STXBP5L: variants seen among roughly 807,000 people sequenced by gnomAD.
The protein encoded by STXBP5L is syntaxin binding protein 5L.
In STXBP5L, 65 loss-of-function variants were observed where a neutral mutation model predicts 144.5. That is an observed-to-expected ratio of 0.45 (90% CI 0.37 to 0.55). STXBP5L has a LOEUF of 0.55. Among genes scored for constraint, STXBP5L ranks in the 20% least tolerant of loss-of-function variants. The pLI is 0.00. For missense variants in STXBP5L, 1,298 were observed against 1,405.5 expected (o/e 0.92, Z 1.22); for synonymous variants, 505 against 469.6 (o/e 1.08, Z -0.97).
At chr3:121,258,095 A>G (rs1266680240) in intron 17 of STXBP5L, among the ~76,000 whole-genome samples, 3 of 152,152 alleles carry the variant, frequency 2.0e-5, no homozygotes, top group African/African-American at 2.4e-5. Flanking sequence ...TTTTAAAACT[A>G]TTTATTAATA....
intron 5 of STXBP5L, among the ~76,000 whole-genome samples, chr3:121,055,146 T>C (rs1948360480): frequency 6.6e-6 from 1 of 152,004 alleles, no homozygotes; most frequent in Admixed American, 6.5e-5. Context: ...ATGTGATATT[T>C]ATCTCTTAAG....
At chr3:121,390,323 G>C (rs1211275228) in intron 22 of STXBP5L, among the ~76,000 whole-genome samples, 1 of 152,032 alleles carries the variant, frequency 6.6e-6, no homozygotes, top group Non-Finnish European at 1.5e-5. Context: ...TACACTGATG[G>C]GTCTTGACTC....
chr3:121,121,319 A>G (rs374632097), intron 6 of STXBP5L, among the ~76,000 whole-genome samples: 37 of 151,300 alleles, frequency 2.4e-4, no homozygotes, highest in African/African-American at 8.9e-4. Flanking sequence ...TCTTTTATCT[A>G]TGTAAATAAA....
intron 2 of STXBP5L, among the ~76,000 whole-genome samples, chr3:120,928,606 G>T (rs1709761910): frequency 1.3e-5 from 2 of 151,574 alleles, no homozygotes; most frequent in African/African-American, 4.9e-5. Context: ...CATGTTCTGA[G>T]ACTTCATATA....
intron 12 of STXBP5L, among the ~76,000 whole-genome samples, chr3:121,238,723 G>A (rs1257797796): frequency 6.6e-6 from 1 of 152,154 alleles, no homozygotes; most frequent in East Asian, 1.9e-4. Context: ...CAATGCCACT[G>A]TGGAATGTTA....
At chr3:121,315,906 G>A (rs767409282) in intron 19 of STXBP5L, among the ~76,000 whole-genome samples, 2 of 151,598 alleles carry the variant, frequency 1.3e-5, no homozygotes, top group Non-Finnish European at 2.9e-5. Context: ...AGAGGCTGAG[G>A]CAGGAGAACT....
At chr3:121,397,717 C>T (rs922287212) in intron 22 of STXBP5L, among the ~76,000 whole-genome samples, 3 of 152,184 alleles carry the variant, frequency 2.0e-5, no homozygotes, top group African/African-American at 2.4e-5. Flanking sequence ...AGAACTTGTG[C>T]TCCCCATTGC....
chr3:120,969,045 G>T (rs1576518880), intron 3 of STXBP5L, among the ~76,000 whole-genome samples: 1 of 151,978 alleles, frequency 6.6e-6, no homozygotes, highest in Middle Eastern at 3.4e-3. Context: ...ATTTTCCTTT[G>T]GGTAGATACT....
chr3:121,215,538 T>G (rs1444984122), intron 10 of STXBP5L, among the ~76,000 whole-genome samples: 1 of 152,176 alleles, frequency 6.6e-6, no homozygotes, highest in Non-Finnish European at 1.5e-5. Context: ...GCCCCAACTT[T>G]TTTATGGCTT....
chr3:121,193,782 T>C (rs956619376), intron 9 of STXBP5L, among the ~76,000 whole-genome samples: 6 of 151,930 alleles, frequency 3.9e-5, no homozygotes, highest in African/African-American at 1.5e-4. Context: ...ATGAGAACAC[T>C]TGGACACAGG....
chr3:121,300,629 T>C (rs1204823377), intron 19 of STXBP5L, among the ~76,000 whole-genome samples: 2 of 151,178 alleles, frequency 1.3e-5, no homozygotes, highest in African/African-American at 2.4e-5. Context: ...TTAAAGAAAA[T>C]AAAACAGAGA....
At chr3:120,911,531 C>T (rs1017698076) in intron 2 of STXBP5L, among the ~76,000 whole-genome samples, 5 of 151,892 alleles carry the variant, frequency 3.3e-5, no homozygotes, top group Non-Finnish European at 5.9e-5. Flanking sequence ...AACTAAGAGA[C>T]GGTTATTGGG....
intron 7 of STXBP5L, 67 bp downstream of exon 7, chr3:121,121,771 T>C: frequency 8.6e-7 from 1 of 1,159,848 alleles, no homozygotes; most frequent in Non-Finnish European, 1.3e-6. Flanking sequence ...TGTTTCTTAC[T>C]ATTATTTTAT....
intron 9 of STXBP5L, among the ~76,000 whole-genome samples, chr3:121,159,853 C>T (rs956404687): frequency 3.3e-5 from 5 of 151,760 alleles, no homozygotes; most frequent in Non-Finnish European, 5.9e-5. Flanking sequence ...AGGATGGTCT[C>T]GATCTCCTGA....
At chr3:121,163,424 G>A (rs936024971) in intron 9 of STXBP5L, among the ~76,000 whole-genome samples, 4 of 151,942 alleles carry the variant, frequency 2.6e-5, no homozygotes, top group African/African-American at 9.7e-5. Context: ...GTCTCTCGGT[G>A]GATGGGGGGC....
chr3:121,200,677 G>T (rs772112552), intron 9 of STXBP5L, among the ~76,000 whole-genome samples: 6 of 151,820 alleles, frequency 4.0e-5, no homozygotes, highest in Non-Finnish European at 8.8e-5. Flanking sequence ...TGGGTTCGTT[G>T]TCTCTCTCTT....
chr3:121,044,600 G>T (rs1190381939), intron 4 of STXBP5L, among the ~76,000 whole-genome samples: 1 of 152,118 alleles, frequency 6.6e-6, no homozygotes. Context: ...TTTAGGATCT[G>T]TGAATGGGTA....
chr3:121,206,246 A>C (rs1254958396), intron 10 of STXBP5L, among the ~76,000 whole-genome samples: 1 of 152,176 alleles, frequency 6.6e-6, no homozygotes, highest in Non-Finnish European at 1.5e-5. Flanking sequence ...TATACACATT[A>C]ATTTTAACAG....
intron 20 of STXBP5L, among the ~76,000 whole-genome samples, chr3:121,369,517 G>T (rs893888993): frequency 1.4e-4 from 21 of 151,924 alleles, no homozygotes; most frequent in Non-Finnish European, 1.9e-4. Context: ...TTTCTTTGGG[G>T]TTGGCCACTG....
Sources: gnomAD v4.1 joint callset for allele counts (sites outside exome capture counted in the v4.1 genomes callset) on GRCh38, gnomAD v4.1.1 for gene constraint, MANE v1.5 for transcripts, NCBI Gene and HGNC (gene_info 2026-07-23, HGNC 2026-07-21) for gene names.